The following IFITM10 variants were observed in gnomAD, a reference collection of about 807,000 sequenced individuals.
IFITM10 encodes interferon induced transmembrane protein 10.
A neutral mutation model predicts 19.0 loss-of-function variants in IFITM10; 17 were observed. That is an observed-to-expected ratio of 0.90 (90% CI 0.61 to 1.34). The LOEUF (loss-of-function observed/expected upper bound fraction) is 1.34. Among genes scored for constraint, IFITM10 ranks in the 40% most tolerant of loss-of-function variants. IFITM10 has a pLI of 0.00. For synonymous variants in IFITM10, 148 were observed against 147.2 expected (o/e 1.01, Z -0.04); for missense variants, 306 against 319.8 (o/e 0.96, Z 0.33).
chr11:1,748,032 C>G lies in IFITM10; in HGVS notation c.172G>C (p.Gly58Arg), dbSNP rs1565015555. The G allele has an allele frequency of 3.5e-6, 5 of 1,428,324 alleles. No individual in the cohort carries two copies. The highest frequency in any genetic ancestry group is 4.6e-6 in the Non-Finnish European group (5 of 1,095,804). The allele number at this position is 1,428,324 out of a possible 1,614,324, so 88.5% of individuals were successfully genotyped here. ...GGGGGCCTCGGAATCCAGAAGGCCCCGTCCAGGGGGACTCGGGCTTCCTGG... is the reference window on the plus strand; with the variant it reads ...GGGGGCCTCGGAATCCAGAAGGCCCGGTCCAGGGGGACTCGGGCTTCCTGG... ...GAQEARVPLD[G>R]AFWIPRPPAG... The change falls in exon 2 of 3, where the codon GGG (glycine) becomes CGG (arginine). Residue 58 changes from glycine (G) to arginine (R), a missense_variant. Transcript: ENST00000340134.
At position 1,733,368 on chromosome 11, in the gene IFITM10, G is replaced by A. The variant is rs1851049011; in HGVS notation, c.*1912C>T. 1 of 151,466 alleles carries A rather than the reference G, an allele frequency of 6.6e-6. No homozygotes were observed. Among genetic ancestry groups the A allele is most frequent in the African/African-American group, 2.4e-5 (1 of 41,100 alleles). 9.4% of individuals were successfully genotyped at this position (151,466 alleles called of 1,614,324 possible). On this transcript the variant is annotated 3_prime_UTR_variant, in exon 3 of 3. Transcript: ENST00000340134. This position sits in a 1 kb window ranked among gnomAD's most constrained non-coding sequence, Gnocchi z 6.3. The stretch of plus-strand genomic sequence containing the variant: ...CCCCTCTCTCGACTCTGACCCCCAA[G>A]CCCTCCCATTTTGAGGTCACACACT...
At chr11:1,749,379 G>A (rs923552043) in intron 1 of IFITM10, among the ~76,000 whole-genome samples, 10 of 151,772 alleles carry the variant, frequency 6.6e-5, no homozygotes, top group Admixed American at 2.0e-4. Flanking sequence ...CAGGGTGTCC[G>A]CGCCACCTCC....
Sources: allele counts gnomAD v4.1 joint callset (sites outside exome capture counted in the v4.1 genomes callset), GRCh38; gene constraint gnomAD v4.1.1; non-coding constraint Gnocchi (gnomAD v3.1); transcripts MANE v1.5; gene names NCBI Gene and HGNC (gene_info 2026-07-23, HGNC 2026-07-21).